PSMA1: variants seen among roughly 807,000 people sequenced by gnomAD.
PSMA1 encodes the protein proteasome 20S subunit alpha 1, also known as proteasome subunit alpha type-1.
In PSMA1, 3 loss-of-function variants were observed where a neutral mutation model predicts 38.4. The observed-to-expected ratio is 0.08, with a 90% confidence interval of 0.04 to 0.20. The LOEUF is 0.20. PSMA1 is among the 10% of genes least tolerant of loss of function. The pLI is 1.00. For synonymous variants in PSMA1, 101 were observed against 107.1 expected (o/e 0.94, Z 0.35); for missense variants, 227 against 325.3 (o/e 0.70, Z 2.32).
intron 1 of PSMA1, among the ~76,000 whole-genome samples, chr11:14,637,438 C>A (rs1289933604): frequency 1.3e-5 from 2 of 152,210 alleles, no homozygotes; most frequent in African/African-American, 4.8e-5. Context: ...CTTTACCAAA[C>A]TGAGGACAGG....
chr11:14,524,784 T>C (rs1206960779), upstream of PSMA1, among the ~76,000 whole-genome samples: 1 of 152,110 alleles, frequency 6.6e-6, no homozygotes, highest in Non-Finnish European at 1.5e-5. Flanking sequence ...ACCTATGACC[T>C]CGGGTCCTCA....
At chr11:14,561,901 A>G (rs1360367825) in intron 2 of PSMA1, among the ~76,000 whole-genome samples, 1 of 152,206 alleles carries the variant, frequency 6.6e-6, no homozygotes, top group African/African-American at 2.4e-5. Flanking sequence ...TGTTGAAGCT[A>G]ACAATGTATC....
chr11:14,623,231 G>A (rs962823910), intron 1 of PSMA1, among the ~76,000 whole-genome samples: 4 of 152,280 alleles, frequency 2.6e-5, no homozygotes, highest in Admixed American at 2.0e-4. Context: ...TGTTCCTATG[G>A]CCATATGGGG....
chr11:14,557,040 G>T (rs1318523811), intron 2 of PSMA1, among the ~76,000 whole-genome samples: 1 of 152,054 alleles, frequency 6.6e-6, no homozygotes, highest in Non-Finnish European at 1.5e-5. Flanking sequence ...TCACTGTGTT[G>T]CCCAGACCAG....
At chr11:14,639,424 G>C (rs539797170) in intron 1 of PSMA1, among the ~76,000 whole-genome samples, 2 of 152,278 alleles carry the variant, frequency 1.3e-5, no homozygotes, top group African/African-American at 4.8e-5. Flanking sequence ...GTTAAAGTCT[G>C]ATTTATTAAA....
intron 2 of PSMA1, among the ~76,000 whole-genome samples, chr11:14,591,469 C>T (rs894418566): frequency 6.6e-6 from 1 of 152,192 alleles, no homozygotes; most frequent in Non-Finnish European, 1.5e-5. Flanking sequence ...CTGGGACTGG[C>T]AGGCAGTTCC....
chr11:14,520,172 C>A, intron 1 of PSMA1, 125 bp downstream of exon 1: 1 of 1,443,536 alleles, frequency 6.9e-7, no homozygotes, highest in South Asian at 1.2e-5. Flanking sequence ...GGAGCCCGGC[C>A]GTCTGCCGAG....
chr11:14,589,942 A>T (rs963394840), intron 2 of PSMA1, among the ~76,000 whole-genome samples: 10 of 152,216 alleles, frequency 6.6e-5, no homozygotes, highest in Non-Finnish European at 1.3e-4. Context: ...TGGAAGGAGC[A>T]CAAGTGTTCA....
At chr11:14,556,308 A>T (rs1300488243) in intron 2 of PSMA1, among the ~76,000 whole-genome samples, 1 of 151,956 alleles carries the variant, frequency 6.6e-6, no homozygotes, top group Non-Finnish European at 1.5e-5. Flanking sequence ...GGTTGGAAAA[A>T]TTTTCTCTCA....
intron 2 of PSMA1, among the ~76,000 whole-genome samples, chr11:14,570,068 C>T (rs377416666): frequency 6.6e-6 from 1 of 152,168 alleles, no homozygotes; most frequent in African/African-American, 2.4e-5. Context: ...GCTGTTCTGC[C>T]GCCTCCACTG....
intron 1 of PSMA1, among the ~76,000 whole-genome samples, chr11:14,616,615 A>AAAT (rs1156599204): frequency 1.3e-5 from 2 of 152,190 alleles, no homozygotes; most frequent in East Asian, 1.9e-4. Flanking sequence ...ATAAAGGTTA[A>AAAT]AATAATAATA....
At chr11:14,630,909 C>G (rs375200716) in intron 1 of PSMA1, among the ~76,000 whole-genome samples, 17 of 151,918 alleles carry the variant, frequency 1.1e-4, no homozygotes, top group East Asian at 9.6e-4. Context: ...TGTATGTGTC[C>G]AGGAATTTAT....
At chr11:14,624,941 C>T (rs767216152) in intron 1 of PSMA1, among the ~76,000 whole-genome samples, 1 of 152,150 alleles carries the variant, frequency 6.6e-6, no homozygotes, top group Non-Finnish European at 1.5e-5. Flanking sequence ...GTTGAGAGGA[C>T]TTGGAATGGA....
intron 1 of PSMA1, among the ~76,000 whole-genome samples, chr11:14,626,999 G>T (rs937275007): frequency 5.3e-5 from 8 of 152,132 alleles, no homozygotes; most frequent in African/African-American, 1.2e-4. Context: ...TTCTTCTGAG[G>T]CTTCTCTCCT....
chr11:14,638,398 GA>G (rs913013514), intron 1 of PSMA1, among the ~76,000 whole-genome samples: 2 of 150,578 alleles, frequency 1.3e-5, no homozygotes, highest in Admixed American at 1.3e-4. Context: ...TTTAAGAAAA[GA>G]ATAGTCTTAC....
At chr11:14,532,331 G>A (rs1286942329) in intron 2 of PSMA1, among the ~76,000 whole-genome samples, 1 of 152,120 alleles carries the variant, frequency 6.6e-6, no homozygotes, top group Non-Finnish European at 1.5e-5. Context: ...GAGGCCAGGT[G>A]CGGTGGCTCA....
chr11:14,533,585 CTTT>C (rs34379633), intron 2 of PSMA1, among the ~76,000 whole-genome samples: 10 of 147,494 alleles, frequency 6.8e-5, no homozygotes, highest in South Asian at 2.1e-4. Context: ...CTTTTCTTTT[CTTT>C]TTTTTTTTTA....
intron 1 of PSMA1, among the ~76,000 whole-genome samples, chr11:14,634,567 A>T (rs1367180646): frequency 6.6e-6 from 1 of 150,938 alleles, no homozygotes; most frequent in Non-Finnish European, 1.5e-5. Context: ...CTAGTCTTGA[A>T]CTCCTGGCCT....
chr11:14,564,108 A>C (rs190128241), intron 2 of PSMA1, among the ~76,000 whole-genome samples: 1 of 152,354 alleles, frequency 6.6e-6, no homozygotes, highest in Admixed American at 6.5e-5. Context: ...ATACAGAACC[A>C]CAACCAGCAT....
Sources: gnomAD v4.1 joint callset for allele counts (sites outside exome capture counted in the v4.1 genomes callset) on GRCh38, gnomAD v4.1.1 for gene constraint, MANE v1.5 for transcripts, NCBI Gene and HGNC (gene_info 2026-07-23, HGNC 2026-07-21) for gene names.